BBS9: variants seen among roughly 807,000 people sequenced by gnomAD.
BBS9 encodes the protein Bardet-Biedl syndrome 9, also known as protein PTHB1.
Under a neutral mutation model 117.7 loss-of-function variants are expected in BBS9, and 89 were observed. The observed-to-expected ratio is 0.76, with a 90% confidence interval of 0.64 to 0.90. The LOEUF (loss-of-function observed/expected upper bound fraction) is 0.90, where lower values mean the gene tolerates loss of function less well. Among genes scored for constraint, BBS9 ranks in the 40% least tolerant of loss-of-function variants. The pLI, the probability that BBS9 is intolerant of heterozygous loss-of-function variation, is 0.00. For synonymous variants in BBS9, 379 were observed against 370.9 expected (o/e 1.02, Z -0.25); for missense variants, 982 against 1,042.2 (o/e 0.94, Z 0.80).
At position 33,402,867 on chromosome 7, in the gene BBS9, C is replaced by T. The variant is rs529154145; in HGVS notation, c.2115+14723C>T. Among the ~76,000 whole-genome samples the T allele has an allele frequency of 4.6e-5, 7 of 151,652 alleles. No homozygotes were observed. In the South Asian group the frequency reaches 1.0e-3, roughly 23 times the overall value. ...TCTTCCTTCCTCCCCACTCTTATAT[C>T]GCTCCAGTGTCTGTTGTTCCTAACT... On this transcript the variant is annotated intron_variant, in intron 19 of 22. Coordinates refer to ENST00000242067, the MANE Select transcript of BBS9 (RefSeq NM_198428.3).
chr7:33,326,160 G>T (rs959151682), intron 9 of BBS9, among the ~76,000 whole-genome samples: 1 of 152,054 alleles, frequency 6.6e-6, no homozygotes, highest in East Asian at 1.9e-4. Flanking sequence ...GAATCTACCT[G>T]GTGCTCTGTT....
chr7:33,279,093 A>G (rs1367865985), intron 9 of BBS9, among the ~76,000 whole-genome samples: 1 of 152,202 alleles, frequency 6.6e-6, no homozygotes, highest in Non-Finnish European at 1.5e-5. Context: ...GCTGGAATGC[A>G]TTGGCATGAT....
chr7:33,393,772 G>A (rs917905629), intron 19 of BBS9, among the ~76,000 whole-genome samples: 3 of 152,262 alleles, frequency 2.0e-5, no homozygotes, highest in African/African-American at 4.8e-5. Context: ...ATCTCATTTA[G>A]GACCATCATC....
chr7:33,151,053 A>G (rs1793228272), intron 2 of BBS9, among the ~76,000 whole-genome samples: 1 of 152,168 alleles, frequency 6.6e-6, no homozygotes, highest in Non-Finnish European at 1.5e-5. Flanking sequence ...GAAGTTTGAG[A>G]CCAGCCCAGA....
chr7:33,178,053 T>C (rs1420148), intron 5 of BBS9, among the ~76,000 whole-genome samples: 82,220 of 151,984 alleles, frequency 0.54, 22,571 homozygotes, highest in East Asian at 0.67. Flanking sequence ...TGGTTGACCT[T>C]ATTGACAGGA....
At chr7:33,621,912 G>A (rs997785735) in intron 21 of BBS9, among the ~76,000 whole-genome samples, 3 of 152,164 alleles carry the variant, frequency 2.0e-5, no homozygotes, top group Admixed American at 2.0e-4. Flanking sequence ...GGCATGGAAA[G>A]ACAAATACTA....
At chr7:33,327,776 A>G (rs1469797387) in intron 9 of BBS9, among the ~76,000 whole-genome samples, 1 of 152,142 alleles carries the variant, frequency 6.6e-6, no homozygotes, top group African/African-American at 2.4e-5. Flanking sequence ...TTCTGGACAT[A>G]TTTAAAAAGT....
At chr7:33,607,524 G>C (rs1296101794), downstream of BBS9, among the ~76,000 whole-genome samples, 1 of 152,006 alleles carries the variant, frequency 6.6e-6, no homozygotes, top group African/African-American at 2.4e-5. Flanking sequence ...AGTCACATTT[G>C]TAAAAAGCTG....
In BBS9 at chr7:33,565,807, A is replaced by G. The variant is rs1278764462; in HGVS notation, c.2521+31631A>G. Among the ~76,000 whole-genome samples the G allele has an allele frequency of 1.2e-3, 64 of 52,294 alleles. 1 individual carries two copies. The highest frequency in any genetic ancestry group is 9.5e-3 in the African/African-American group (59 of 6,220). 34.3% of individuals were successfully genotyped at this position (52,294 alleles called of 152,430 possible). ...TATATATATATATATATATATATAT[A>G]TATATATATATATATATATACCGCT... is the stretch of plus-strand genomic sequence containing the variant. On this transcript the variant is annotated intron_variant, in intron 21 of 22. Coordinates refer to ENST00000242067, the MANE Select transcript of BBS9 (RefSeq NM_198428.3).
At chr7:33,355,325 G>A (rs1819428482) in intron 15 of BBS9, among the ~76,000 whole-genome samples, 1 of 151,858 alleles carries the variant, frequency 6.6e-6, no homozygotes, top group Admixed American at 6.6e-5. Context: ...GTAGAAATGT[G>A]CCTCTGATGA....
intron 15 of BBS9, among the ~76,000 whole-genome samples, chr7:33,354,334 A>G (rs898882829): frequency 4.6e-5 from 7 of 152,174 alleles, no homozygotes; most frequent in Non-Finnish European, 5.9e-5. Context: ...TGCAATGCAG[A>G]TAAGCAGTTC....
intron 19 of BBS9, among the ~76,000 whole-genome samples, chr7:33,443,622 G>A (rs1285295953): frequency 2.0e-5 from 3 of 152,120 alleles, no homozygotes; most frequent in Non-Finnish European, 2.9e-5. Context: ...ACACATAAGC[G>A]TGCAGTTTTT....
chr7:33,348,971 T>C, intron 12 of BBS9, 97 bp from the exon 13 acceptor site: 2 of 849,126 alleles, frequency 2.4e-6, no homozygotes, highest in South Asian at 1.4e-5. Context: ...CAGGTAATAT[T>C]TTCTAATTAT....
chr7:33,565,720 A>G (rs1856734955), intron 21 of BBS9, among the ~76,000 whole-genome samples: 1 of 145,776 alleles, frequency 6.9e-6, no homozygotes, highest in South Asian at 2.2e-4. Flanking sequence ...CATAATAGCC[A>G]GCATCCAAAT....
At chr7:33,263,615 G>A (rs895631017) in intron 6 of BBS9, among the ~76,000 whole-genome samples, 1 of 152,018 alleles carries the variant, frequency 6.6e-6, no homozygotes, top group African/African-American at 2.4e-5. Flanking sequence ...GTCGATTACT[G>A]AGAACTCACT....
intron 10 of BBS9, among the ~76,000 whole-genome samples, chr7:33,339,469 T>C (rs1258816646): frequency 3.3e-5 from 5 of 152,212 alleles, no homozygotes; most frequent in Admixed American, 6.5e-5. Context: ...CATTAAGTTA[T>C]GGAAATTCCC....
At position 33,521,688 on chromosome 7, in the gene BBS9, G is replaced by C. The variant is rs1166078737; in HGVS notation, c.2299-12266G>C. Among the ~76,000 whole-genome samples the C allele has an allele frequency of 2.0e-5, 3 of 151,006 alleles. No individual in the cohort carries two copies. The East Asian group carries it at 5.8e-4, about 29-fold the overall frequency. ...AGATGGCATATAGACCATATAACTTGCTTTCATTTTTATGTTATTTTATTT... is the reference window on the plus strand; with the variant it reads ...AGATGGCATATAGACCATATAACTTCCTTTCATTTTTATGTTATTTTATTT... On this transcript the variant is annotated intron_variant, in intron 20 of 22. Transcript: ENST00000242067.
intron 19 of BBS9, among the ~76,000 whole-genome samples, chr7:33,411,744 T>A (rs564333422): frequency 6.6e-6 from 1 of 152,284 alleles, no homozygotes; most frequent in South Asian, 2.1e-4. Context: ...ATGAATATTA[T>A]TTGATCATTA....
chr7:33,622,729 G>A (rs1865468632), intron 21 of BBS9, among the ~76,000 whole-genome samples: 2 of 152,174 alleles, frequency 1.3e-5, no homozygotes, highest in African/African-American at 2.4e-5. Flanking sequence ...TGGAATTAAT[G>A]TAGGGATATA....
Sources: allele counts gnomAD v4.1 joint callset (sites outside exome capture counted in the v4.1 genomes callset), GRCh38; gene constraint gnomAD v4.1.1; transcripts MANE v1.5; gene names NCBI Gene and HGNC (gene_info 2026-07-23, HGNC 2026-07-21).